RAB18: variants seen among roughly 807,000 people sequenced by gnomAD.
The protein encoded by RAB18 is ras-related protein Rab-18.
In RAB18, 10 loss-of-function variants were observed where a neutral mutation model predicts 28.5. The observed-to-expected ratio is 0.35, with a 90% CI of 0.22 to 0.60. The LOEUF is 0.60. Ranked by LOEUF, RAB18 falls within the 20% of genes least tolerant of loss-of-function variation. The pLI is 0.78. For missense variants in RAB18, 188 were observed against 244.2 expected (o/e 0.77, Z 1.53); for synonymous variants, 93 against 86.9 (o/e 1.07, Z -0.39).
At chr10:27,509,776 A>G (rs1453513887) in intron 1 of RAB18, 99 bp from the exon 2 acceptor site, 1 of 971,660 alleles carries the variant, frequency 1.0e-6, no homozygotes, top group Non-Finnish European at 1.6e-6. Flanking sequence ...AGTTATTTTT[A>G]TCTGCATCTA....
At chr10:27,510,849 T>A (rs1289807351) in intron 2 of RAB18, among the ~76,000 whole-genome samples, 1 of 152,226 alleles carries the variant, frequency 6.6e-6, no homozygotes, top group Non-Finnish European at 1.5e-5. Context: ...AAAATTTTAT[T>A]GTGAAACAAT....
intron 2 of RAB18, among the ~76,000 whole-genome samples, chr10:27,522,229 A>G (rs1834574796): frequency 1.3e-5 from 2 of 152,116 alleles, no homozygotes; most frequent in Non-Finnish European, 2.9e-5. Context: ...TGCTTTGTAT[A>G]TATTGGACTT....
In RAB18 at chr10:27,504,308, T is replaced by C. The variant is rs932494282; in HGVS notation, c.-62T>C. ...GGCGCGCATGCGCAGCAGCTCACTCTGCTGAAGGGCTGAGAGGCGCACCCG... is the reference window on the plus strand; with the variant it reads ...GGCGCGCATGCGCAGCAGCTCACTCCGCTGAAGGGCTGAGAGGCGCACCCG... On this transcript the variant is annotated 5_prime_UTR_variant, in exon 1 of 7. Coordinates refer to ENST00000356940, the MANE Select transcript of RAB18 (RefSeq NM_021252.5). 7 of 1,510,530 alleles carry C rather than the reference T, an allele frequency of 4.6e-6. No homozygotes were observed. The Admixed American group carries it at 9.8e-5, about 21-fold the overall frequency. The allele number at this position is 1,510,530 out of a possible 1,614,324, so 93.6% of individuals were successfully genotyped here. A position where few individuals can be genotyped will look rare whatever the true frequency, so the allele number is the denominator to read the frequency against.
At chr10:27,533,099 T>A (rs1232789701) in intron 4 of RAB18, among the ~76,000 whole-genome samples, 1 of 152,080 alleles carries the variant, frequency 6.6e-6, no homozygotes, top group East Asian at 1.9e-4. Context: ...AAATGAATAT[T>A]GATCAATTGT....
intron 6 of RAB18, 83 bp from the exon 7 acceptor site, chr10:27,537,793 A>C: frequency 8.2e-7 from 1 of 1,215,304 alleles, no homozygotes; most frequent in African/African-American, 1.5e-5. Flanking sequence ...GCTGATATTT[A>C]TGCCCTGATA....
intron 1 of RAB18, chr10:27,505,186 A>AGG (rs1268352413): frequency 1.9e-6 from 1 of 527,800 alleles, no homozygotes. Context: ...GGAGTTGAGT[A>AGG]TAAGGTAAGA....
chr10:27,507,431 C>T (rs1017285276), intron 1 of RAB18, among the ~76,000 whole-genome samples: 3 of 152,062 alleles, frequency 2.0e-5, no homozygotes, highest in African/African-American at 7.2e-5. Context: ...GTGTAAGACT[C>T]CAATTCTGTG....
At chr10:27,536,756 C>G (rs888051386) in intron 6 of RAB18, among the ~76,000 whole-genome samples, 2 of 152,022 alleles carry the variant, frequency 1.3e-5, no homozygotes, top group Non-Finnish European at 2.9e-5. Context: ...CCAAAGATGT[C>G]AAATAAAATT....
chr10:27,522,615 AC>A (rs1249095996), intron 2 of RAB18, among the ~76,000 whole-genome samples: 1 of 152,148 alleles, frequency 6.6e-6, no homozygotes, highest in Non-Finnish European at 1.5e-5. Context: ...CTGAATTCTT[AC>A]CATTACTGCC....
At chr10:27,531,956 T>C (rs925671750) in intron 3 of RAB18, among the ~76,000 whole-genome samples, 8 of 151,876 alleles carry the variant, frequency 5.3e-5, no homozygotes, top group African/African-American at 1.9e-4. Context: ...AGAAATAACA[T>C]GTAATAAAGA....
chr10:27,535,947 G>T (rs1001906269), intron 6 of RAB18, among the ~76,000 whole-genome samples: 23 of 152,118 alleles, frequency 1.5e-4, no homozygotes, highest in Admixed American at 2.6e-4. Flanking sequence ...ACCGGGCGTG[G>T]TGGCGGGTGC....
chr10:27,526,796 G>T, intron 2 of RAB18, 32 bp from the exon 3 acceptor site: 1 of 1,611,756 alleles, frequency 6.2e-7, no homozygotes, highest in South Asian at 1.1e-5. Flanking sequence ...CTGTTTTACT[G>T]GGAGACTTAT....
chr10:27,532,311 G>A (rs1029955278), intron 3 of RAB18, among the ~76,000 whole-genome samples, 196 bp from the exon 4 acceptor site: 4 of 145,104 alleles, frequency 2.8e-5, no homozygotes, highest in African/African-American at 9.9e-5. Flanking sequence ...CATTTTTCTA[G>A]AGATCAGTAT....
chr10:27,531,460 C>CAA (rs1834786360), intron 3 of RAB18: 7 of 1,502,736 alleles, frequency 4.7e-6, no homozygotes, highest in Non-Finnish European at 6.2e-6. Context: ...AACAAACCCT[C>CAA]ATTTACAGCA....
intron 1 of RAB18, chr10:27,504,961 C>G (rs538594317): frequency 1.2e-4 from 65 of 533,084 alleles, no homozygotes; most frequent in South Asian, 8.9e-4. Flanking sequence ...AATGTCGATT[C>G]TTTTACTTTT....
Position 27,541,341 on chromosome 10 carries a change from G to C in RAB18, c.*3290G>C, listed in dbSNP as rs1339073886. 5.2e-5 allele frequency: 20 copies of C among 381,858 alleles called. No individual in the cohort carries two copies. Among genetic ancestry groups the C allele is most frequent in the Non-Finnish European group, 9.2e-5 (18 of 195,698 alleles). 23.7% of individuals were successfully genotyped at this position (381,858 alleles called of 1,614,324 possible). A position where few individuals can be genotyped will look rare whatever the true frequency, so the allele number is the denominator to read the frequency against. Reference sequence around the variant, plus strand: ...GGGCTAAGGAATATAGAATCACCCAGGTCTTTTTTTTTTTTTTTAATTTTT... The same window carrying C: ...GGGCTAAGGAATATAGAATCACCCACGTCTTTTTTTTTTTTTTTAATTTTT... On this transcript the variant is annotated 3_prime_UTR_variant, in exon 7 of 7. Transcript: ENST00000356940.
At chr10:27,531,480 G>A in intron 3 of RAB18, 1 of 1,530,518 alleles carries the variant, frequency 6.5e-7, no homozygotes, top group Non-Finnish European at 8.8e-7. Context: ...AGTGGGACTG[G>A]TAGCTAAGTT....
At chr10:27,509,274 A>T (rs1834277341) in intron 1 of RAB18, among the ~76,000 whole-genome samples, 1 of 152,162 alleles carries the variant, frequency 6.6e-6, no homozygotes, top group Non-Finnish European at 1.5e-5. Flanking sequence ...AGTAGCCTCC[A>T]GTTGCCTACT....
chr10:27,520,388 T>TG (rs1834522059), intron 2 of RAB18, among the ~76,000 whole-genome samples: 1 of 152,158 alleles, frequency 6.6e-6, no homozygotes, highest in Admixed American at 6.5e-5. Flanking sequence ...CTTTTTTTTT[T>TG]GAAGTTAATC....
Sources: gnomAD v4.1 joint callset for allele counts (sites outside exome capture counted in the v4.1 genomes callset) on GRCh38, gnomAD v4.1.1 for gene constraint, MANE v1.5 for transcripts, NCBI Gene and HGNC (gene_info 2026-07-23, HGNC 2026-07-21) for gene names.